RBFOX1: variants seen among roughly 807,000 people sequenced by gnomAD.
RBFOX1 encodes RNA binding fox-1 homolog 1.
Under a neutral mutation model 57.7 loss-of-function variants are expected in RBFOX1, and 8 were observed. That is an observed-to-expected ratio of 0.14 (90% CI 0.08 to 0.25). The LOEUF (loss-of-function observed/expected upper bound fraction) is 0.25, where lower values mean the gene tolerates loss of function less well. Among genes scored for constraint, RBFOX1 ranks in the 10% least tolerant of loss-of-function variants. The pLI is 1.00. For missense variants in RBFOX1, 611 were observed against 548.5 expected (o/e 1.11, Z -1.14); for synonymous variants, 326 against 222.4 (o/e 1.47, Z -4.15).
At chr16:5,745,239 A>G (rs1172243962) in intron 3 of RBFOX1, among the ~76,000 whole-genome samples, 1 of 152,156 alleles carries the variant, frequency 6.6e-6, no homozygotes, top group Non-Finnish European at 1.5e-5. Flanking sequence ...GATGGTTTCC[A>G]GCTTCATCCA....
At chr16:6,910,118 G>A (rs553439826) in intron 3 of RBFOX1, among the ~76,000 whole-genome samples, 2 of 152,124 alleles carry the variant, frequency 1.3e-5, no homozygotes, top group South Asian at 4.2e-4. Flanking sequence ...CCTTGGTAGC[G>A]TGCAAAGAGA....
At chr16:7,535,302 C>A in intron 5 of RBFOX1, among the ~76,000 whole-genome samples, 1 of 152,156 alleles carries the variant, frequency 6.6e-6, no homozygotes, top group East Asian at 1.9e-4. Flanking sequence ...TAGCTGGGAG[C>A]CTGGAATCTG....
At chr16:7,602,767 A>G (rs917720437) in intron 9 of RBFOX1, among the ~76,000 whole-genome samples, 2 of 152,200 alleles carry the variant, frequency 1.3e-5, no homozygotes, top group East Asian at 1.9e-4. Flanking sequence ...ACCTTTTCCA[A>G]CAGCTGCAGA....
intron 2 of RBFOX1, among the ~76,000 whole-genome samples, chr16:5,594,415 C>G (rs1427800908): frequency 8.3e-6 from 1 of 120,572 alleles, no homozygotes; most frequent in African/African-American, 2.9e-5. Flanking sequence ...AGGCCTGTGA[C>G]ACAGCCTCAG....
intron 4 of RBFOX1, among the ~76,000 whole-genome samples, chr16:7,460,311 C>T (rs998573252): frequency 1.4e-5 from 2 of 146,826 alleles, no homozygotes; most frequent in Admixed American, 7.0e-5. Flanking sequence ...CGTATCTCTT[C>T]CACAGACTTC....
At chr16:5,586,536 C>G (rs2046833714) in intron 2 of RBFOX1, among the ~76,000 whole-genome samples, 2 of 152,212 alleles carry the variant, frequency 1.3e-5, no homozygotes. Context: ...TTCACTCTGT[C>G]TCCCAGGCTG....
chr16:6,515,062 A>G (rs911703976), intron 2 of RBFOX1, among the ~76,000 whole-genome samples: 1 of 152,166 alleles, frequency 6.6e-6, no homozygotes, highest in East Asian at 1.9e-4. Context: ...TGAAGGAAGG[A>G]AGAAAAGAAT....
intron 3 of RBFOX1, among the ~76,000 whole-genome samples, chr16:5,755,653 C>A (rs1336535540): frequency 6.6e-6 from 1 of 152,156 alleles, no homozygotes. Context: ...GGCTAGAGTA[C>A]AAAGGTGCAA....
At chr16:5,851,034 C>G (rs1454531827) in intron 3 of RBFOX1, among the ~76,000 whole-genome samples, 1 of 152,204 alleles carries the variant, frequency 6.6e-6, no homozygotes, top group African/African-American at 2.4e-5. Flanking sequence ...ATTCCAGCCT[C>G]CCTGTGGGAG....
chr16:7,189,947 A>G (rs559180241), intron 4 of RBFOX1, among the ~76,000 whole-genome samples: 7 of 152,322 alleles, frequency 4.6e-5, no homozygotes, highest in South Asian at 2.1e-4. Flanking sequence ...CAAGACATCA[A>G]TTAGTGATGC....
chr16:7,663,502 A>ATC (rs1273509043), intron 12 of RBFOX1, among the ~76,000 whole-genome samples: 1 of 128,484 alleles, frequency 7.8e-6, no homozygotes, highest in Non-Finnish European at 1.6e-5. Context: ...GTGTCAGTAC[A>ATC]GCGTGTGTGT....
intron 2 of RBFOX1, among the ~76,000 whole-genome samples, chr16:6,339,470 G>T (rs2084221431): frequency 6.6e-6 from 1 of 152,164 alleles, no homozygotes; most frequent in Non-Finnish European, 1.5e-5. Context: ...GGTTCTTGGA[G>T]AGGGCTAAAA....
intron 3 of RBFOX1, among the ~76,000 whole-genome samples, chr16:6,792,826 C>A (rs181031093): frequency 6.6e-6 from 1 of 152,058 alleles, no homozygotes. Flanking sequence ...GTCAGGAGTT[C>A]AAGACCAGCC....
At chr16:5,516,998 GT>G (rs5815251) in intron 2 of RBFOX1, among the ~76,000 whole-genome samples, 156 of 140,014 alleles carry the variant, frequency 1.1e-3, no homozygotes, top group South Asian at 2.5e-3. Context: ...CTTTCTTCCT[GT>G]TTTTTTTTTT....
intron 5 of RBFOX1, among the ~76,000 whole-genome samples, chr16:7,552,873 G>C (rs2087008502): frequency 6.6e-6 from 1 of 151,990 alleles, no homozygotes; most frequent in Non-Finnish European, 1.5e-5. Flanking sequence ...AGTAGAGATG[G>C]GGTTTCACCA....
intron 2 of RBFOX1, among the ~76,000 whole-genome samples, chr16:5,482,136 A>C (rs2069565354): frequency 6.6e-6 from 1 of 152,138 alleles, no homozygotes; most frequent in Non-Finnish European, 1.5e-5. Flanking sequence ...ATGAGCCATC[A>C]TTTACTGTGA....
At chr16:5,485,239 G>A (rs1308092465) in intron 2 of RBFOX1, among the ~76,000 whole-genome samples, 4 of 150,946 alleles carry the variant, frequency 2.6e-5, no homozygotes, top group African/African-American at 9.7e-5. Flanking sequence ...CCAGCTACTC[G>A]GGAGGCTGAG....
intron 4 of RBFOX1, among the ~76,000 whole-genome samples, chr16:7,323,905 T>C (rs1423296917): frequency 1.3e-5 from 2 of 150,526 alleles, no homozygotes; most frequent in Admixed American, 1.3e-4. Flanking sequence ...GAATGATGAG[T>C]GGATGGGTGG....
chr16:6,073,505 A>G (rs1228075938), intron 1 of RBFOX1, among the ~76,000 whole-genome samples: 1 of 152,120 alleles, frequency 6.6e-6, no homozygotes, highest in Non-Finnish European at 1.5e-5. Flanking sequence ...AATAGGAAAA[A>G]CTGCTTAGCC....
Sources: allele counts gnomAD v4.1 joint callset (sites outside exome capture counted in the v4.1 genomes callset), GRCh38; gene constraint gnomAD v4.1.1; transcripts MANE v1.5; gene names NCBI Gene and HGNC (gene_info 2026-07-23, HGNC 2026-07-21).